Variants in DCC observed in about 807,000 individuals in gnomAD.
DCC encodes the protein netrin receptor DCC.
A neutral mutation model predicts 172.5 loss-of-function variants in DCC; 58 were observed. That is an observed-to-expected ratio of 0.34 (90% CI 0.27 to 0.42). The LOEUF (loss-of-function observed/expected upper bound fraction) is 0.42, where lower values mean the gene tolerates loss of function less well. Ranked by LOEUF, DCC falls within the 10% of genes least tolerant of loss-of-function variation. DCC has a pLI of 1.00. For synonymous variants in DCC, 709 were observed against 644.5 expected (o/e 1.10, Z -1.52); for missense variants, 1,740 against 1,791.0 (o/e 0.97, Z 0.51).
chr18:53,094,195 T>C (rs2043052140), intron 7 of DCC, among the ~76,000 whole-genome samples: 1 of 152,230 alleles, frequency 6.6e-6, no homozygotes, highest in South Asian at 2.1e-4. Flanking sequence ...ATTTGTGTTA[T>C]ATGATGAAAA....
intron 1 of DCC, among the ~76,000 whole-genome samples, chr18:52,749,122 G>A (rs2036955414): frequency 6.6e-6 from 1 of 152,100 alleles, no homozygotes; most frequent in South Asian, 2.1e-4. Flanking sequence ...GTCACCTGAG[G>A]CGGAGGTTGC....
rs946025311 is a variant in DCC, at chr18:52,736,393, C to T, written c.92-15661C>T. Among the ~76,000 whole-genome samples, 7 of 152,018 alleles carry T rather than the reference C, an allele frequency of 4.6e-5. 1 individual carries two copies. In the East Asian group the frequency reaches 9.7e-4, roughly 21 times the overall value. The stretch of plus-strand genomic sequence containing the variant: ...ATTTAAGATGGTCAGTAATTCCTAT[C>T]CCTACCACTAGACCATCTTTGTGCA... On this transcript the variant is annotated intron_variant, in intron 1 of 28. Transcript: ENST00000442544.
At chr18:53,005,417 C>T (rs1377411852) in intron 5 of DCC, among the ~76,000 whole-genome samples, 2 of 152,120 alleles carry the variant, frequency 1.3e-5, no homozygotes, top group African/African-American at 2.4e-5. Flanking sequence ...CACACAAAGA[C>T]TGTGTTTGAA....
intron 12 of DCC, among the ~76,000 whole-genome samples, chr18:53,295,983 C>T (rs973628604): frequency 2.0e-5 from 3 of 152,104 alleles, no homozygotes; most frequent in African/African-American, 4.8e-5. Context: ...CTATTTGGTA[C>T]AGTAAGAAAT....
intron 1 of DCC, among the ~76,000 whole-genome samples, chr18:52,385,398 C>G (rs1003855086): frequency 6.6e-6 from 1 of 151,760 alleles, no homozygotes; most frequent in African/African-American, 2.4e-5. Flanking sequence ...GCCTCAGTCT[C>G]CCATGTAGCT....
intron 23 of DCC, among the ~76,000 whole-genome samples, chr18:53,456,945 T>C (rs2045490434): frequency 1.3e-5 from 2 of 152,140 alleles, no homozygotes; most frequent in Admixed American, 1.3e-4. Flanking sequence ...GTGGTAGAGG[T>C]TGGAGGGACA....
At chr18:53,452,246 T>G (rs1294922830) in intron 23 of DCC, among the ~76,000 whole-genome samples, 1 of 152,134 alleles carries the variant, frequency 6.6e-6, no homozygotes. Context: ...GAGGGACTCA[T>G]GTAAAAGAAG....
intron 5 of DCC, among the ~76,000 whole-genome samples, chr18:53,038,875 T>C (rs1309333342): frequency 6.6e-6 from 1 of 151,686 alleles, no homozygotes; most frequent in African/African-American, 2.4e-5. Flanking sequence ...GCCAGGACTA[T>C]TCCTTGGATT....
At chr18:53,379,619 C>T (rs892907728) in intron 15 of DCC, among the ~76,000 whole-genome samples, 24 of 152,296 alleles carry the variant, frequency 1.6e-4, no homozygotes, top group Non-Finnish European at 2.9e-4. Context: ...CAGGCTTTTC[C>T]TGATTACCCA....
rs768958127 is a variant in DCC at position 53,157,469 on chromosome 18, A to G, written c.1375A>G (p.Ile459Val). Residue 459 changes from isoleucine (I) to valine (V), a missense_variant, in exon 8 of 29, where the codon ATT becomes GTT. By Grantham distance (29) the Ile-to-Val change is conservative. Transcript: ENST00000442544. Reference sequence around the variant, plus strand: ...CCCACCTGCAGAAGCGAAAGGGAACATTCAAACTTTCACGGTCTTTTTCTC... The same window carrying G: ...CCCACCTGCAGAAGCGAAAGGGAACGTTCAAACTTTCACGGTCTTTTTCTC... ...WRPPAEAKGN[I>V]QTFTVFFSRE... is the part of the protein sequence containing the mutation. 3.1e-6 allele frequency: 5 copies of G among 1,614,046 alleles called. No homozygotes were observed. The highest frequency in any genetic ancestry group is 1.7e-5 in the Admixed American group (1 of 60,000).
intron 9 of DCC, among the ~76,000 whole-genome samples, chr18:53,190,458 C>CTGTGTGTGTGTG (rs67103778): frequency 8.2e-5 from 12 of 146,262 alleles, no homozygotes; most frequent in African/African-American, 2.3e-4. Context: ...ACTGCTAACT[C>CTGTGTGTGTGTG]TGTGTGTGTG....
rs191559679 is a variant in DCC, at chr18:53,290,985, G to A, written c.1912-14593G>A. On this transcript the variant is annotated intron_variant, in intron 12 of 28. Coordinates refer to ENST00000442544, the MANE Select transcript of DCC (RefSeq NM_005215.4). Reference sequence around the variant, plus strand: ...AGTTCAAGAATAGCCTGGCCAACACGGTGAAACCCCTGTCTCTACTAAAAA... The same window carrying A: ...AGTTCAAGAATAGCCTGGCCAACACAGTGAAACCCCTGTCTCTACTAAAAA... 5.7e-4 allele frequency among the ~76,000 whole-genome samples: 86 copies of A among 152,128 alleles called. No homozygotes were observed. In the East Asian group the frequency reaches 0.012, roughly 22 times the overall value.
At chr18:53,039,189 C>T (rs1013725825) in intron 5 of DCC, among the ~76,000 whole-genome samples, 2 of 152,002 alleles carry the variant, frequency 1.3e-5, no homozygotes, top group African/African-American at 4.8e-5. Flanking sequence ...TCAAACCCTG[C>T]ATTCACACGT....
intron 1 of DCC, among the ~76,000 whole-genome samples, chr18:52,360,676 A>T (rs11872629): frequency 0.13 from 20,155 of 152,226 alleles, 1,417 homozygotes; most frequent in Middle Eastern, 0.17. Context: ...TGCATGATTT[A>T]AAAAAATCAG....
intron 5 of DCC, among the ~76,000 whole-genome samples, chr18:52,948,106 C>T (rs985749778): frequency 1.1e-4 from 16 of 152,048 alleles, no homozygotes; most frequent in Admixed American, 2.6e-4. Flanking sequence ...GAGATAGTAA[C>T]TGGAAAAATC....
At chr18:52,508,961 G>A (rs1055411322) in intron 1 of DCC, among the ~76,000 whole-genome samples, 2 of 152,208 alleles carry the variant, frequency 1.3e-5, no homozygotes, top group African/African-American at 4.8e-5. Flanking sequence ...TGCGACTGGC[G>A]TCACTGACTG....
At chr18:53,129,660 T>G (rs758072056) in intron 7 of DCC, among the ~76,000 whole-genome samples, 1 of 152,122 alleles carries the variant, frequency 6.6e-6, no homozygotes, top group Non-Finnish European at 1.5e-5. Context: ...GTACCAATAC[T>G]TCATTCTTAT....
intron 1 of DCC, among the ~76,000 whole-genome samples, chr18:52,695,845 G>T (rs903828526): frequency 2.0e-5 from 3 of 152,124 alleles, no homozygotes; most frequent in Non-Finnish European, 2.9e-5. Flanking sequence ...CTGTACATCT[G>T]CCCTCCTTTT....
intron 15 of DCC, among the ~76,000 whole-genome samples, chr18:53,385,530 G>A (rs1191391769): frequency 6.6e-6 from 1 of 152,084 alleles, no homozygotes; most frequent in Non-Finnish European, 1.5e-5. Flanking sequence ...ACAGGAGGTT[G>A]TCCCCAGTTT....
Sources: allele counts gnomAD v4.1 joint callset (sites outside exome capture counted in the v4.1 genomes callset), GRCh38; gene constraint gnomAD v4.1.1; transcripts MANE v1.5; gene names NCBI Gene and HGNC (gene_info 2026-07-23, HGNC 2026-07-21).